SPAG9: variants seen among roughly 807,000 people sequenced by gnomAD.
SPAG9 encodes sperm associated antigen 9.
A neutral mutation model predicts 166.5 loss-of-function variants in SPAG9; 35 were observed. That is an observed-to-expected ratio of 0.21 (90% CI 0.16 to 0.28). SPAG9 has a LOEUF of 0.28. SPAG9 is among the 10% of genes least tolerant of loss of function. The pLI, the probability that SPAG9 is intolerant of heterozygous loss-of-function variation, is 1.00. For missense variants in SPAG9, 1,235 were observed against 1,603.3 expected, an observed-to-expected ratio of 0.77 and a Z score of 3.92; for synonymous variants, 534 against 565.5, an observed-to-expected ratio of 0.94 and a Z score of 0.79.
chr17:50,979,256 C>T (rs1195359311), intron 26 of SPAG9, among the ~76,000 whole-genome samples: 2 of 150,962 alleles, frequency 1.3e-5, no homozygotes, highest in East Asian at 1.9e-4. Flanking sequence ...CAGGCCTGTC[C>T]AGCTACTGGG....
At position 51,021,301 on chromosome 17, in the gene SPAG9, G is replaced by A. The variant is rs143491486; in HGVS notation, c.848C>T (p.Ser283Leu). ...ATCAGTAGGAATTGTTGCCACATCTGAATTAGCTGTTGATGCTGGAGTGGT... is the reference window on the plus strand; with the variant it reads ...ATCAGTAGGAATTGTTGCCACATCTAAATTAGCTGTTGATGCTGGAGTGGT... The part of the protein sequence containing the change: ...KATTPASTAN[S>L]DVATIPTDTP... The change falls in exon 7 of 30, where the codon TCA becomes TTA. Residue 283 changes from serine to leucine, a missense_variant. Physicochemically the swap from Ser to Leu is moderately radical, Grantham distance 145. This residue lies in a region of SPAG9 where 288 missense variants were observed against 323.7 expected (regional missense o/e 0.89). Coordinates refer to ENST00000262013, the MANE Select transcript of SPAG9 (RefSeq NM_001130528.3). 540 of 1,614,062 alleles carry A rather than the reference G, an allele frequency of 3.3e-4. 1 individual carries two copies. Among genetic ancestry groups the A allele is most frequent in the Admixed American group, 2.2e-4 (13 of 60,014 alleles).
intron 6 of SPAG9, among the ~76,000 whole-genome samples, chr17:51,022,302 T>A (rs573927251): frequency 6.6e-6 from 1 of 152,026 alleles, no homozygotes; most frequent in Non-Finnish European, 1.5e-5. Context: ...CCAGACTTAA[T>A]GCACCAAACT....
chr17:51,088,584 C>G (rs2048360817), intron 1 of SPAG9, among the ~76,000 whole-genome samples: 1 of 152,134 alleles, frequency 6.6e-6, no homozygotes, highest in African/African-American at 2.4e-5. Context: ...ATCACGAGAT[C>G]AGGAGATCGA....
intron 27 of SPAG9, chr17:50,975,817 C>A: frequency 6.9e-7 from 1 of 1,447,834 alleles, no homozygotes; most frequent in Non-Finnish European, 9.4e-7. Flanking sequence ...CTTACAGTGG[C>A]TATTAGAAGC....
intron 2 of SPAG9, among the ~76,000 whole-genome samples, chr17:51,066,117 T>TCTTGAGACAGGGTC (rs2047656072): frequency 6.6e-6 from 1 of 152,074 alleles, no homozygotes; most frequent in African/African-American, 2.4e-5. Flanking sequence ...CGCTTTTTTT[T>TCTTGAGACAGGGTC]TTTCTTGAGA....
intron 25 of SPAG9, among the ~76,000 whole-genome samples, chr17:50,981,483 AAGATAGATAGATAGATAGATAGATAGAT>A (rs71353692): frequency 4.9e-5 from 7 of 143,848 alleles, no homozygotes; most frequent in Non-Finnish European, 7.5e-5. Context: ...TACACAGATA[AAGATAGATAGATAGATAGATAGATAGAT>A]AGATAGATAG....
chr17:51,010,425 T>A (rs1056458240), intron 9 of SPAG9, among the ~76,000 whole-genome samples: 1 of 151,870 alleles, frequency 6.6e-6, no homozygotes, highest in African/African-American at 2.4e-5. Context: ...GGGAGACAGA[T>A]AACTAAAAAA....
At chr17:51,046,982 A>T in intron 4 of SPAG9, 2 of 1,335,184 alleles carry the variant, frequency 1.5e-6, no homozygotes, top group South Asian at 2.9e-5. Flanking sequence ...TAATTTATTC[A>T]CACTCCTACA....
chr17:51,098,649 C>T (rs544074453), intron 1 of SPAG9, among the ~76,000 whole-genome samples: 6 of 152,188 alleles, frequency 3.9e-5, no homozygotes, highest in Admixed American at 6.5e-5. Flanking sequence ...TCTGCCACCA[C>T]GCCAGACTAA....
At chr17:51,085,959 A>ATT (rs34918673) in intron 1 of SPAG9, among the ~76,000 whole-genome samples, 10,168 of 88,110 alleles carry the variant, frequency 0.12, 1,067 homozygotes, top group African/African-American at 0.19. Flanking sequence ...CTTGGAAATC[A>ATT]TTTTTTTTTT....
chr17:50,971,398 C>T (rs1428648944), intron 28 of SPAG9, among the ~76,000 whole-genome samples: 2 of 151,824 alleles, frequency 1.3e-5, no homozygotes, highest in Non-Finnish European at 2.9e-5. Context: ...GGAATAGGCC[C>T]CAAATCCAAT....
At chr17:51,066,523 C>G (rs1370918601) in intron 2 of SPAG9, among the ~76,000 whole-genome samples, 1 of 128,740 alleles carries the variant, frequency 7.8e-6, no homozygotes, top group African/African-American at 3.0e-5. Flanking sequence ...CCATTGCACT[C>G]CAGGCTGGGC....
At chr17:51,040,423 C>T (rs996898111) in intron 5 of SPAG9, 1 of 152,124 alleles carries the variant, frequency 6.6e-6, no homozygotes, top group African/African-American at 2.4e-5. Flanking sequence ...TTATCAACTG[C>T]TTACTGTTTT....
intron 1 of SPAG9, among the ~76,000 whole-genome samples, chr17:51,104,577 G>A (rs2048889152): frequency 6.6e-6 from 1 of 151,900 alleles, no homozygotes; most frequent in Non-Finnish European, 1.5e-5. Flanking sequence ...TGGAGGTGAT[G>A]GCGAGGCGAG....
chr17:51,030,093 A>C (rs902109706), intron 6 of SPAG9, among the ~76,000 whole-genome samples: 1 of 152,180 alleles, frequency 6.6e-6, no homozygotes, highest in Non-Finnish European at 1.5e-5. Context: ...TATCAGGCTA[A>C]AAGTCTATAA....
rs371568778 is a variant in SPAG9, at chr17:50,989,892, C to T, written c.2618-20G>A. Reference sequence around the variant, plus strand: ...CCATTTCTACAAAGTAAATAAAACACTATTCCAAGTCTGGGCTTTTCTCCT... The same window carrying T: ...CCATTTCTACAAAGTAAATAAAACATTATTCCAAGTCTGGGCTTTTCTCCT... On this transcript the variant is annotated intron_variant, in intron 20 of 29. Transcript: ENST00000262013. 1 of 1,608,022 alleles carries T rather than the reference C, an allele frequency of 6.2e-7. No individual in the cohort carries two copies. The highest frequency in any genetic ancestry group is 1.3e-5 in the African/African-American group (1 of 74,944).
chr17:50,983,984 G>T (rs1375610066), intron 24 of SPAG9, among the ~76,000 whole-genome samples: 1 of 152,152 alleles, frequency 6.6e-6, no homozygotes, highest in Non-Finnish European at 1.5e-5. Flanking sequence ...AAAGATAGGA[G>T]ATTTTGGGAA....
intron 4 of SPAG9, chr17:51,046,966 T>C (rs111710595): frequency 3.6e-6 from 5 of 1,396,554 alleles, no homozygotes; most frequent in African/African-American, 2.9e-5. Context: ...TGCCTGAAGA[T>C]CTACATAATT....
intron 1 of SPAG9, among the ~76,000 whole-genome samples, chr17:51,081,672 G>A (rs2048168303): frequency 6.6e-6 from 1 of 151,244 alleles, no homozygotes; most frequent in Non-Finnish European, 1.5e-5. Context: ...AACTCGGGAG[G>A]CAGAGGTTGC....
Sources: gnomAD v4.1 joint callset for allele counts (sites outside exome capture counted in the v4.1 genomes callset) on GRCh38, gnomAD v4.1.1 for gene constraint, gnomAD v4.1.1 regional missense constraint, MANE v1.5 for transcripts, NCBI Gene and HGNC (gene_info 2026-07-23, HGNC 2026-07-21) for gene names.